Variants in TESK2 observed in about 807,000 individuals in gnomAD.
TESK2 encodes the protein dual specificity testis-specific protein kinase 2.
TESK2 carries 39 observed loss-of-function variants against 57.1 expected under a neutral mutation model. That is an observed-to-expected ratio of 0.68 (90% confidence interval 0.53 to 0.89). The LOEUF is 0.89. Ranked by LOEUF, TESK2 falls within the 40% of genes least tolerant of loss-of-function variation. TESK2 has a pLI of 0.00. For synonymous variants in TESK2, 249 were observed against 267.9 expected (o/e 0.93, Z 0.69); for missense variants, 646 against 732.1 (o/e 0.88, Z 1.36).
intron 2 of TESK2, among the ~76,000 whole-genome samples, chr1:45,438,233 C>T (rs1027935800): frequency 5.9e-5 from 9 of 152,304 alleles, no homozygotes; most frequent in East Asian, 3.9e-4. Context: ...CGGTGGCTCA[C>T]GCCTGTAATC....
intron 2 of TESK2, among the ~76,000 whole-genome samples, chr1:45,436,178 C>CTTT (rs1557573084): frequency 1.1e-3 from 14 of 12,990 alleles, no homozygotes; most frequent in Non-Finnish European, 1.6e-3. Flanking sequence ...ACATTGGTAT[C>CTTT]TTCTTTTTTT....
At chr1:45,485,523 A>ATTT (rs71052884) in intron 1 of TESK2, among the ~76,000 whole-genome samples, 1 of 136,392 alleles carries the variant, frequency 7.3e-6, no homozygotes, top group African/African-American at 2.7e-5. Flanking sequence ...TTTTTATTTT[A>ATTT]TTTTTTTTTT....
intron 4 of TESK2, among the ~76,000 whole-genome samples, chr1:45,375,423 CTTTT>C (rs34730448): frequency 1.8e-4 from 25 of 135,570 alleles, no homozygotes; most frequent in Admixed American, 1.5e-4. Context: ...TTCCTTCACC[CTTTT>C]TTTTTTTTTT....
In TESK2 at chr1:45,355,559, A is replaced by G. The variant is rs956984624; in HGVS notation, c.394-110T>C. 1.1e-5 allele frequency: 14 copies of G among 1,293,700 alleles called. No homozygotes were observed. In the Middle Eastern group the frequency reaches 2.3e-3, roughly 216 times the overall value. 80.1% of individuals were successfully genotyped at this position (1,293,700 alleles called of 1,614,324 possible). A position where few individuals can be genotyped will look rare whatever the true frequency, so the allele number is the denominator to read the frequency against. On this transcript the variant is annotated intron_variant, in intron 4 of 10. Transcript: ENST00000372086. ...AGAGAGAGACTGTATTTTTTTTTTA[A>G]GTTACTGAGGGCTTATTCTGCCTCC...
intron 9 of TESK2, among the ~76,000 whole-genome samples, chr1:45,346,324 G>GGTAA (rs1371145641): frequency 2.0e-5 from 3 of 152,164 alleles, no homozygotes; most frequent in African/African-American, 7.2e-5. Flanking sequence ...GATCCTAACA[G>GGTAA]GTAAGGTCCA....
At chr1:45,394,025 A>G (rs1487835535) in intron 3 of TESK2, among the ~76,000 whole-genome samples, 1 of 152,146 alleles carries the variant, frequency 6.6e-6, no homozygotes, top group African/African-American at 2.4e-5. Context: ...CATACCAGCT[A>G]GAATTACTTA....
chr1:45,378,697 G>T (rs1648531879), intron 4 of TESK2, among the ~76,000 whole-genome samples: 1 of 152,106 alleles, frequency 6.6e-6, no homozygotes, highest in Admixed American at 6.5e-5. Flanking sequence ...TAAGTTTTGG[G>T]GTAGCTTGTT....
intron 1 of TESK2, among the ~76,000 whole-genome samples, chr1:45,473,332 TATAC>T (rs1652850755): frequency 6.6e-6 from 1 of 151,386 alleles, no homozygotes; most frequent in Admixed American, 6.6e-5. Flanking sequence ...AAAGGAAGAG[TATAC>T]AAATGAGACT....
intron 4 of TESK2, among the ~76,000 whole-genome samples, chr1:45,380,093 T>A (rs570011257): frequency 1.2e-4 from 19 of 152,070 alleles, no homozygotes; most frequent in African/African-American, 4.6e-4. Flanking sequence ...AGAGACGGAG[T>A]TTCACCATGT....
chr1:45,384,885 T>C (rs1648827810), intron 4 of TESK2, among the ~76,000 whole-genome samples: 1 of 152,142 alleles, frequency 6.6e-6, no homozygotes, highest in South Asian at 2.1e-4. Context: ...CTGTCTTCTT[T>C]GGCTTTCCAT....
At chr1:45,423,270 T>C (rs567948021) in intron 2 of TESK2, among the ~76,000 whole-genome samples, 48 of 152,170 alleles carry the variant, frequency 3.2e-4, no homozygotes, top group Non-Finnish European at 5.9e-4. Flanking sequence ...ACCATAAAAA[T>C]CCATAGGCCG....
chr1:45,428,707 T>C (rs547533650), intron 2 of TESK2, among the ~76,000 whole-genome samples: 123 of 152,044 alleles, frequency 8.1e-4, no homozygotes, highest in Non-Finnish European at 1.4e-3. Flanking sequence ...TTTCGCCATG[T>C]TGTCCAGGCT....
intron 2 of TESK2, among the ~76,000 whole-genome samples, chr1:45,431,294 T>A (rs771745962): frequency 9.2e-5 from 14 of 152,148 alleles, no homozygotes; most frequent in East Asian, 1.9e-4. Flanking sequence ...GGCACGTGCC[T>A]GTAGTCCCAG....
intron 3 of TESK2, among the ~76,000 whole-genome samples, chr1:45,390,551 G>C (rs1323965470): frequency 6.7e-6 from 1 of 150,352 alleles, no homozygotes; most frequent in Non-Finnish European, 1.5e-5. Context: ...TTAAGAATAG[G>C]TTACATTCTC....
chr1:45,403,583 C>G (rs1557559734), intron 3 of TESK2, among the ~76,000 whole-genome samples: 1 of 152,148 alleles, frequency 6.6e-6, no homozygotes, highest in Non-Finnish European at 1.5e-5. Flanking sequence ...GCAGAACAAA[C>G]ATTGCTTAGC....
intron 3 of TESK2, among the ~76,000 whole-genome samples, chr1:45,397,314 C>T (rs1290268250): frequency 2.6e-5 from 4 of 152,076 alleles, no homozygotes; most frequent in Admixed American, 6.6e-5. Flanking sequence ...AAGGCAGAGC[C>T]GGGAGTCAAA....
intron 2 of TESK2, among the ~76,000 whole-genome samples, chr1:45,454,229 A>T (rs1409394194): frequency 6.6e-6 from 1 of 152,120 alleles, no homozygotes; most frequent in Non-Finnish European, 1.5e-5. Flanking sequence ...GAAATAAAGT[A>T]GGATAGTGGT....
chr1:45,448,909 C>A (rs1240439562), intron 2 of TESK2, among the ~76,000 whole-genome samples: 1 of 152,122 alleles, frequency 6.6e-6, no homozygotes, highest in Non-Finnish European at 1.5e-5. Context: ...CCAACAGGAA[C>A]TCTTTATTCA....
At chr1:45,363,671 G>A (rs1647788462) in intron 4 of TESK2, among the ~76,000 whole-genome samples, 1 of 151,876 alleles carries the variant, frequency 6.6e-6, no homozygotes, top group Admixed American at 6.6e-5. Flanking sequence ...AAGAAAGACA[G>A]TCTATGCAAA....
Sources: gnomAD v4.1 joint callset for allele counts (sites outside exome capture counted in the v4.1 genomes callset) on GRCh38, gnomAD v4.1.1 for gene constraint, MANE v1.5 for transcripts, NCBI Gene and HGNC (gene_info 2026-07-23, HGNC 2026-07-21) for gene names.